The following FOXP2 variants were observed in gnomAD, a reference collection of about 807,000 sequenced individuals.
The protein encoded by FOXP2 is forkhead box P2.
In FOXP2, 12 loss-of-function variants were observed where a neutral mutation model predicts 115.8. The observed-to-expected ratio is 0.10, with a 90% confidence interval of 0.07 to 0.17. The LOEUF is 0.17. Among genes scored for constraint, FOXP2 ranks in the 10% least tolerant of loss-of-function variants. The pLI is 1.00. For missense variants in FOXP2, 629 were observed against 843.5 expected, an observed-to-expected ratio of 0.75 and a Z score of 3.15; for synonymous variants, 328 against 297.7, an observed-to-expected ratio of 1.10 and a Z score of -1.05.
chr7:114,659,191 A>G (rs1806746584), intron 11 of FOXP2, among the ~76,000 whole-genome samples, 165 bp from the exon 12 acceptor site: 1 of 152,152 alleles, frequency 6.6e-6, no homozygotes, highest in African/African-American at 2.4e-5. Flanking sequence ...TCGCGTCAGA[A>G]ATGGCCTTTT....
chr7:114,271,073 A>G (rs942212809), intron 1 of FOXP2, among the ~76,000 whole-genome samples: 2 of 151,856 alleles, frequency 1.3e-5, no homozygotes, highest in Non-Finnish European at 2.9e-5. Flanking sequence ...TTAAATTGAC[A>G]TAATTATGTA....
intron 2 of FOXP2, among the ~76,000 whole-genome samples, chr7:114,291,687 T>G (rs1464929087): frequency 6.6e-6 from 1 of 151,198 alleles, no homozygotes; most frequent in Non-Finnish European, 1.5e-5. Flanking sequence ...CCACTGCAGT[T>G]TTAGGACTGA....
intron 1 of FOXP2, among the ~76,000 whole-genome samples, chr7:114,225,171 T>A (rs1458896924): frequency 6.6e-6 from 1 of 152,086 alleles, no homozygotes; most frequent in Non-Finnish European, 1.5e-5. Flanking sequence ...CTGCTTTGAG[T>A]ATTAAGGGGT....
At chr7:114,112,879 A>G (rs150768114) in intron 1 of FOXP2, among the ~76,000 whole-genome samples, 2 of 152,260 alleles carry the variant, frequency 1.3e-5, no homozygotes, top group Non-Finnish European at 2.9e-5. Flanking sequence ...GCCTGGGAGA[A>G]CATGAGTTAC....
At chr7:114,267,741 AAATAAAT>A (rs1438536747) in intron 1 of FOXP2, among the ~76,000 whole-genome samples, 1 of 127,608 alleles carries the variant, frequency 7.8e-6, no homozygotes, top group Non-Finnish European at 1.6e-5. Flanking sequence ...ATAAATAAAT[AAATAAAT>A]AAATAAATAA....
intron 2 of FOXP2, among the ~76,000 whole-genome samples, chr7:114,469,172 C>A (rs763181058): frequency 2.0e-5 from 3 of 151,920 alleles, no homozygotes; most frequent in Non-Finnish European, 4.4e-5. Context: ...CTTCCATTGC[C>A]AGTTTTATAA....
chr7:114,265,909 G>C (rs999121249), intron 1 of FOXP2, among the ~76,000 whole-genome samples: 4 of 152,060 alleles, frequency 2.6e-5, no homozygotes, highest in African/African-American at 9.7e-5. Flanking sequence ...GCCTGGTTTC[G>C]AGAAGCAGTG....
intron 2 of FOXP2, among the ~76,000 whole-genome samples, chr7:114,501,622 T>C (rs1196009392): frequency 6.6e-6 from 1 of 152,104 alleles, no homozygotes; most frequent in African/African-American, 2.4e-5. Context: ...CTGTGAAACA[T>C]GGACTTGAAA....
chr7:114,287,447 A>G (rs1796493852), intron 1 of FOXP2, among the ~76,000 whole-genome samples: 1 of 151,964 alleles, frequency 6.6e-6, no homozygotes, highest in Admixed American at 6.6e-5. Context: ...TAAATCTCTC[A>G]GATTAAAGAA....
At chr7:114,559,705 A>AC (rs1490743046) in intron 3 of FOXP2, among the ~76,000 whole-genome samples, 3 of 151,230 alleles carry the variant, frequency 2.0e-5, no homozygotes, top group Non-Finnish European at 3.0e-5. Flanking sequence ...ACACGGTGAA[A>AC]CCCCGTCTCT....
rs1199889604 is a variant in FOXP2 at position 114,692,707 on chromosome 7, G to T, written c.*2781G>T. The T allele has an allele frequency of 6.7e-6, 3 of 445,358 alleles. No homozygotes were observed. In the East Asian group the frequency reaches 2.1e-4, roughly 31 times the overall value. 27.6% of individuals were successfully genotyped at this position (445,358 alleles called of 1,614,324 possible). On this transcript the variant is annotated 3_prime_UTR_variant, in exon 17 of 17. Coordinates refer to ENST00000350908, the MANE Select transcript of FOXP2 (RefSeq NM_014491.4). ...AGCATAATGTCTGACAATTTAAATG[G>T]CTCATGTATTCTTGCTTCTATCATA...
chr7:114,498,897 T>C (rs966830549), intron 2 of FOXP2: 2 of 717,948 alleles, frequency 2.8e-6, no homozygotes, highest in African/African-American at 3.5e-5. Context: ...ATGTTGTCTC[T>C]TACACCCAGG....
chr7:114,629,825 C>T lies in FOXP2; in HGVS notation c.417C>T (p.Tyr139=). The change falls in exon 5 of 17, where the codon TAC becomes TAT. Residue 139 remains tyrosine (Y), a synonymous_variant. Coordinates refer to ENST00000350908, the MANE Select transcript of FOXP2 (RefSeq NM_014491.4). ...MLQQQQLQEF[Y]KKQQEQLHLQ... ...TTCAGCAACAACTACAAGAGTTTTA[C>T]AAGAAACAGCAAGAGCAGTTACATC... 6.2e-7 allele frequency: 1 copy of T among 1,610,308 alleles called. No homozygotes were observed. Among genetic ancestry groups the T allele is most frequent in the Non-Finnish European group, 8.5e-7 (1 of 1,179,156 alleles).
intron 1 of FOXP2, among the ~76,000 whole-genome samples, chr7:114,245,887 C>G (rs535367390): frequency 2.0e-5 from 3 of 151,822 alleles, no homozygotes; most frequent in Non-Finnish European, 4.4e-5. Flanking sequence ...TACATTTGTA[C>G]GAAACTGTAC....
intron 1 of FOXP2, among the ~76,000 whole-genome samples, chr7:114,167,886 A>G (rs1023785178): frequency 6.7e-6 from 1 of 148,826 alleles, no homozygotes; most frequent in Admixed American, 6.8e-5. Context: ...CAGTGAGCCG[A>G]GATTACACCA....
chr7:114,149,768 G>A (rs1485813107), intron 1 of FOXP2, among the ~76,000 whole-genome samples: 1 of 152,072 alleles, frequency 6.6e-6, no homozygotes, highest in East Asian at 1.9e-4. Flanking sequence ...GTAAAATATA[G>A]CAGTGTCATG....
chr7:114,376,975 T>C (rs1792154252), intron 2 of FOXP2, among the ~76,000 whole-genome samples: 1 of 152,176 alleles, frequency 6.6e-6, no homozygotes. Flanking sequence ...ATTGGGAGTA[T>C]TGTTGCATAG....
intron 2 of FOXP2, among the ~76,000 whole-genome samples, chr7:114,310,748 G>A (rs930553056): frequency 2.6e-5 from 4 of 151,934 alleles, no homozygotes; most frequent in South Asian, 2.1e-4. Flanking sequence ...TCTCTTTATC[G>A]CCTGTCTTCA....
At position 114,155,557 on chromosome 7, in the gene FOXP2, C is replaced by G. The variant is rs188013486; in HGVS notation, c.-246-7387C>G. ...AGGGAATCCCTTTTCAGGTCTTTTCCCTGATGCAGGAGAGAATTAGCAAGG... is the reference window on the plus strand; with the variant it reads ...AGGGAATCCCTTTTCAGGTCTTTTCGCTGATGCAGGAGAGAATTAGCAAGG... On this transcript the variant is annotated intron_variant, in intron 1 of 19. Transcript: ENST00000635638. Among the ~76,000 whole-genome samples the G allele has an allele frequency of 7.9e-4, 120 of 152,180 alleles. 1 individual carries two copies. Among genetic ancestry groups the G allele is most frequent in the Non-Finnish European group, 7.6e-4 (52 of 68,000 alleles).
Sources: allele counts gnomAD v4.1 joint callset (sites outside exome capture counted in the v4.1 genomes callset), GRCh38; gene constraint gnomAD v4.1.1; transcripts MANE v1.5; gene names NCBI Gene and HGNC (gene_info 2026-07-23, HGNC 2026-07-21).